Variants in HS3ST4 observed in about 807,000 individuals in gnomAD.
HS3ST4 encodes the protein heparan sulfate-glucosamine 3-sulfotransferase 4.
In HS3ST4, 17 loss-of-function variants were observed where a neutral mutation model predicts 29.2. The observed-to-expected ratio is 0.58, with a 90% CI of 0.40 to 0.87. HS3ST4 has a LOEUF of 0.87. HS3ST4 is among the 40% of genes least tolerant of loss of function. The pLI is 0.00. For missense variants in HS3ST4, 627 were observed against 634.5 expected, an observed-to-expected ratio of 0.99 and a Z score of 0.13; for synonymous variants, 314 against 285.7, an observed-to-expected ratio of 1.10 and a Z score of -1.00.
chr16:25,844,039 C>A (rs1967440960), intron 1 of HS3ST4, among the ~76,000 whole-genome samples: 1 of 152,114 alleles, frequency 6.6e-6, no homozygotes, highest in Admixed American at 6.6e-5. Flanking sequence ...AGTTAAAGTA[C>A]TAATTTCTAA....
chr16:26,127,101 T>C (rs1035736217), intron 1 of HS3ST4, among the ~76,000 whole-genome samples: 1 of 152,070 alleles, frequency 6.6e-6, no homozygotes, highest in Non-Finnish European at 1.5e-5. Context: ...AAACATAAGA[T>C]AATTTCTCAA....
intron 1 of HS3ST4, among the ~76,000 whole-genome samples, chr16:25,724,269 C>T (rs1040084777): frequency 1.2e-4 from 18 of 152,200 alleles, no homozygotes; most frequent in Admixed American, 3.9e-4. Context: ...TTGTTCAATG[C>T]TGAGCAATTT....
intron 1 of HS3ST4, among the ~76,000 whole-genome samples, chr16:25,912,764 A>G (rs1015948911): frequency 1.3e-5 from 2 of 152,178 alleles, no homozygotes; most frequent in African/African-American, 4.8e-5. Flanking sequence ...CCTGGAACCA[A>G]CGCTGACCTT....
chr16:25,979,748 T>C (rs1433473051), intron 1 of HS3ST4, among the ~76,000 whole-genome samples: 1 of 152,214 alleles, frequency 6.6e-6, no homozygotes, highest in African/African-American at 2.4e-5. Context: ...AAAAATTGTC[T>C]TCTACAAAAC....
intron 1 of HS3ST4, among the ~76,000 whole-genome samples, chr16:25,979,704 C>A (rs1329738285): frequency 6.6e-6 from 1 of 152,242 alleles, no homozygotes; most frequent in Middle Eastern, 3.4e-3. Flanking sequence ...GTGTAATGCG[C>A]TTGAATCATC....
rs1966810457 is a variant in HS3ST4, at chr16:25,765,194, TAGAAGC to T, written c.734+72047_734+72052del. Among the ~76,000 whole-genome samples, 10 of 152,314 alleles carry T rather than the reference TAGAAGC, an allele frequency of 6.6e-5. No individual in the cohort carries two copies. In the South Asian group the frequency reaches 2.1e-3, roughly 32 times the overall value. On this transcript the variant is annotated intron_variant, in intron 1 of 1. Coordinates refer to ENST00000331351, the MANE Select transcript of HS3ST4 (RefSeq NM_006040.3). ...TTATTTAAAGTTATGTTTTGATCCT[TAGAAGC>T]AGACTCTTTTTTTTGAATGTGAAAA...
chr16:25,938,260 T>C (rs1368356563), intron 1 of HS3ST4, among the ~76,000 whole-genome samples: 1 of 152,058 alleles, frequency 6.6e-6, no homozygotes, highest in Non-Finnish European at 1.5e-5. Context: ...CCAGGAAAGC[T>C]CTCCGGAACA....
At chr16:25,724,775 C>G (rs1338998554) in intron 1 of HS3ST4, among the ~76,000 whole-genome samples, 7 of 152,108 alleles carry the variant, frequency 4.6e-5, no homozygotes, top group Non-Finnish European at 1.0e-4. Context: ...GAGGTCAGGT[C>G]ACTGGCAACT....
intron 1 of HS3ST4, among the ~76,000 whole-genome samples, chr16:25,764,560 C>G (rs983751580): frequency 2.0e-5 from 3 of 152,180 alleles, no homozygotes; most frequent in Non-Finnish European, 4.4e-5. Context: ...CCTGTGCCAG[C>G]CACTGTTTGA....
At chr16:25,992,681 G>A (rs528777587) in intron 1 of HS3ST4, among the ~76,000 whole-genome samples, 55 of 152,370 alleles carry the variant, frequency 3.6e-4, no homozygotes, top group African/African-American at 1.3e-3. Context: ...GTGCCACGTT[G>A]AAGGCAAAGC....
chr16:25,847,074 T>C (rs1477808850), intron 1 of HS3ST4, among the ~76,000 whole-genome samples: 1 of 152,060 alleles, frequency 6.6e-6, no homozygotes, highest in Non-Finnish European at 1.5e-5. Context: ...GGCAGTTTAT[T>C]AGCTTTCTTT....
chr16:25,819,374 A>T (rs769212101), intron 1 of HS3ST4, among the ~76,000 whole-genome samples: 32 of 152,160 alleles, frequency 2.1e-4, no homozygotes, highest in Non-Finnish European at 3.4e-4. Context: ...AGCCCTGTGC[A>T]GTTTATGTTG....
chr16:25,974,017 G>A (rs1381338100), intron 1 of HS3ST4, among the ~76,000 whole-genome samples: 1 of 152,120 alleles, frequency 6.6e-6, no homozygotes, highest in Non-Finnish European at 1.5e-5. Flanking sequence ...ACACATGCTC[G>A]TAAGCAGGGG....
intron 1 of HS3ST4, among the ~76,000 whole-genome samples, chr16:25,726,568 A>G (rs755416954): frequency 1.3e-5 from 2 of 152,134 alleles, no homozygotes; most frequent in Non-Finnish European, 2.9e-5. Flanking sequence ...GGTACACATT[A>G]CTAAATTTTT....
chr16:25,867,733 G>A (rs72780751), intron 1 of HS3ST4, among the ~76,000 whole-genome samples: 6,509 of 152,180 alleles, frequency 0.043, 189 homozygotes, highest in South Asian at 0.076. Flanking sequence ...AATGATGCAG[G>A]TTGAAGGAAT....
chr16:25,902,916 G>T (rs1038993337), intron 1 of HS3ST4, among the ~76,000 whole-genome samples: 1 of 151,866 alleles, frequency 6.6e-6, no homozygotes, highest in Non-Finnish European at 1.5e-5. Flanking sequence ...TGGTCAACAT[G>T]GTGAGACCCT....
intron 1 of HS3ST4, among the ~76,000 whole-genome samples, chr16:26,103,107 G>A (rs1335917938): frequency 6.6e-6 from 1 of 152,090 alleles, no homozygotes; most frequent in Non-Finnish European, 1.5e-5. Flanking sequence ...GGGAGCCTGG[G>A]AAATATAGTC....
chr16:26,113,462 A>C (rs1449107786), intron 1 of HS3ST4, among the ~76,000 whole-genome samples: 1 of 125,872 alleles, frequency 7.9e-6, no homozygotes, highest in African/African-American at 3.3e-5. Context: ...AAGAAAATAC[A>C]ATATATGATG....
At chr16:25,724,989 T>C (rs966866952) in intron 1 of HS3ST4, among the ~76,000 whole-genome samples, 1 of 151,730 alleles carries the variant, frequency 6.6e-6, no homozygotes, top group African/African-American at 2.4e-5. Flanking sequence ...TTGTGCTTTC[T>C]TGCCTTTTCT....
Sources: gnomAD v4.1 joint callset for allele counts (sites outside exome capture counted in the v4.1 genomes callset) on GRCh38, gnomAD v4.1.1 for gene constraint, MANE v1.5 for transcripts, NCBI Gene and HGNC (gene_info 2026-07-23, HGNC 2026-07-21) for gene names.